The following ABCF2 variants were observed in gnomAD, a reference collection of about 807,000 sequenced individuals.
The protein encoded by ABCF2 is ATP-binding cassette sub-family F member 2.
A neutral mutation model predicts 76.9 loss-of-function variants in ABCF2; 37 were observed. That is an observed-to-expected ratio of 0.48 (90% CI 0.37 to 0.63). ABCF2 has a LOEUF of 0.63. Ranked by LOEUF, ABCF2 falls within the 30% of genes least tolerant of loss-of-function variation. The pLI is 0.00. For missense variants in ABCF2, 524 were observed against 782.1 expected, an observed-to-expected ratio of 0.67 and a Z score of 3.94; for synonymous variants, 299 against 283.7, an observed-to-expected ratio of 1.05 and a Z score of -0.54.
Position 151,215,664 on chromosome 7 carries a change from G to C in ABCF2, c.1470C>G (p.Ile490Met). The change falls in exon 13 of 15, where the codon ATC (isoleucine) becomes ATG (methionine). Residue 490 changes from isoleucine to methionine, a missense_variant. Physicochemically the swap from Ile to Met is conservative, Grantham distance 10 (BLOSUM62 1). Around this residue, in one of 2 missense-constraint regions of ABCF2, gnomAD observed 194 missense variants for 348.6 expected, o/e 0.56. Coordinates refer to ENST00000287844, the MANE Select transcript of ABCF2 (RefSeq NM_007189.3). This position sits in a 1 kb window ranked among gnomAD's most constrained non-coding sequence, Gnocchi z 4.6. ...LEYMMKCYPE[I>M]KEKEEMRKII... ...TCTTCCTCATTTCTTCCTTCTCCTT[G>C]ATCTCTGGGTAGCACTTCATCATGT... 2.5e-6 allele frequency: 4 copies of C among 1,614,012 alleles called. No individual in the cohort carries two copies. The highest frequency in any genetic ancestry group is 1.1e-5 in the South Asian group (1 of 91,088).
intron 6 of ABCF2, 45 bp from the exon 7 acceptor site, chr7:151,221,725 G>A (rs1380508119): frequency 4.3e-6 from 6 of 1,406,690 alleles, no homozygotes; most frequent in Non-Finnish European, 6.0e-6. Context: ...AACCATGGGA[G>A]CTAGCTGACA....
In ABCF2 at chr7:151,215,364, C is replaced by G. The variant is rs990234233; in HGVS notation, c.1530+240G>C. On this transcript the variant is annotated intron_variant, in intron 13 of 14. Coordinates refer to ENST00000287844, the MANE Select transcript of ABCF2 (RefSeq NM_007189.3). The surrounding 1 kb of genome is among the most constrained non-coding windows in gnomAD (Gnocchi z 4.6). ...TTTCTAGATTACAAGTTCCTTTGCC[C>G]TCAAGCACTATGGCACAAGGGCATG... 6.6e-6 allele frequency among the ~76,000 whole-genome samples: 1 copy of G among 152,216 alleles called. No individual in the cohort carries two copies. The highest frequency in any genetic ancestry group is 2.4e-5 in the African/African-American group (1 of 41,450).
At chr7:151,220,442 A>G (rs1802244648) in intron 7 of ABCF2, among the ~76,000 whole-genome samples, 2 of 152,016 alleles carry the variant, frequency 1.3e-5, no homozygotes, top group South Asian at 2.1e-4. Flanking sequence ...GATTACGTAT[A>G]CATGACATTT....
At chr7:151,219,305 CA>C (rs1584841958) in intron 7 of ABCF2, 146 bp from the exon 8 acceptor site, 6 of 710,544 alleles carry the variant, frequency 8.4e-6, no homozygotes, top group Non-Finnish European at 1.5e-5. Context: ...ACGTGCATTA[CA>C]GAAGCATATC....
chr7:151,219,382 A>G (rs1325902765), intron 7 of ABCF2, among the ~76,000 whole-genome samples: 1 of 152,202 alleles, frequency 6.6e-6, no homozygotes, highest in African/African-American at 2.4e-5. Context: ...GCCAGGCTCC[A>G]GCGCAAATCC....
intron 7 of ABCF2, among the ~76,000 whole-genome samples, chr7:151,219,531 G>C (rs966372996): frequency 1.3e-5 from 2 of 152,124 alleles, no homozygotes; most frequent in African/African-American, 4.8e-5. Flanking sequence ...CCCCACAAAA[G>C]ACTGCAAGAG....
Position 151,222,513 on chromosome 7 carries a change from C to G in ABCF2, c.818+8G>C, listed in dbSNP as rs773099889. The G allele has an allele frequency of 6.2e-7, 1 of 1,612,148 alleles. No individual in the cohort carries two copies. Among genetic ancestry groups the G allele is most frequent in the Non-Finnish European group, 8.5e-7 (1 of 1,178,482 alleles). ...TGCCCGCTCACATCCCCCATTCCACCCTCTTACGTTTTTAGTTCTTCTTCC... is the reference window on the plus strand; with the variant it reads ...TGCCCGCTCACATCCCCCATTCCACGCTCTTACGTTTTTAGTTCTTCTTCC... On this transcript the variant is annotated splice_region_variant and intron_variant, in intron 6 of 14. Transcript: ENST00000287844.
chr7:151,215,641 T>C lies in ABCF2; in HGVS notation c.1493A>G (p.Lys498Arg). ...PEIKEKEEMR[K>R]IIGRYGLTGK... ...AGTGAGACCGTATCGCCCAATGATC[T>C]TCCTCATTTCTTCCTTCTCCTTGAT... The change falls in exon 13 of 15, where the codon AAG (lysine) becomes AGG (arginine). Residue 498 changes from lysine (K) to arginine (R), a missense_variant. By Grantham distance (26) the Lys-to-Arg change is conservative (BLOSUM62 2). Around this residue, in one of 2 missense-constraint regions of ABCF2, gnomAD observed 194 missense variants for 348.6 expected, o/e 0.56. Transcript: ENST00000287844. This position sits in a 1 kb window ranked among gnomAD's most constrained non-coding sequence, Gnocchi z 4.6. 6.2e-7 allele frequency: 1 copy of C among 1,614,124 alleles called. No individual in the cohort carries two copies. The highest frequency in any genetic ancestry group is 8.5e-7 in the Non-Finnish European group (1 of 1,180,026).
At chr7:151,218,947 T>G (rs12113924) in intron 8 of ABCF2, 74 bp from the exon 9 acceptor site, 159,149 of 1,608,528 alleles carry the variant, frequency 0.099, 8,462 homozygotes, top group Admixed American at 0.16. Context: ...GGTAAAAATG[T>G]TGATCGTAAC....
At position 151,224,858 on chromosome 7, in the gene ABCF2, A is replaced by G; in HGVS notation, c.285T>C (p.Phe95=). The G allele has an allele frequency of 6.2e-7, 1 of 1,614,194 alleles. No homozygotes were observed. Among genetic ancestry groups the G allele is most frequent in the Non-Finnish European group, 8.5e-7 (1 of 1,180,030 alleles). Residue 95 remains phenylalanine, a synonymous_variant, in exon 3 of 15, where the codon TTT becomes TTC. Coordinates refer to ENST00000287844, the MANE Select transcript of ABCF2 (RefSeq NM_007189.3). ...DVHIINLSLT[F]HGQELLSDTK... ...TGTCACTGAGCAGCTCTTGACCATG[A>G]AAGGTAAGTGAGAGGTTGATGATGT...
intron 10 of ABCF2, 63 bp from the exon 11 acceptor site, chr7:151,218,254 G>T: frequency 8.5e-7 from 1 of 1,174,934 alleles, no homozygotes; most frequent in Non-Finnish European, 1.3e-6. Context: ...ATGACCAGCA[G>T]ACCAAGCCCG....
chr7:151,224,018 T>C lies in ABCF2; in HGVS notation c.464A>G (p.Asp155Gly). 6.2e-7 allele frequency: 1 copy of C among 1,614,118 alleles called. No individual in the cohort carries two copies. The highest frequency in any genetic ancestry group is 8.5e-7 in the Non-Finnish European group (1 of 1,179,988). ...CATCACACAATGCAAGGGTGTCTTG[T>C]CACTAGGGGGCATCTCTCGAGTCAG... The part of the protein sequence containing the change: ...YHLTREMPPS[D>G]KTPLHCVMEV... The change falls in exon 4 of 15, where the codon GAC (aspartate) becomes GGC (glycine). Residue 155 changes from aspartate to glycine, a missense_variant. Transcript: ENST00000287844.
rs773213734 is a variant in ABCF2 at position 151,215,959 on chromosome 7, G to C, written c.1401+8C>G. 6.2e-7 allele frequency: 1 copy of C among 1,613,926 alleles called. No homozygotes were observed. Among genetic ancestry groups the C allele is most frequent in the Non-Finnish European group, 8.5e-7 (1 of 1,179,906 alleles). The stretch of plus-strand genomic sequence containing the variant: ...GCAATTCCCCGGATCCCAACCCCAG[G>C]CCTGTACCTGATGGTAACGCCCTAT... On this transcript the variant is annotated splice_region_variant and intron_variant, in intron 12 of 14. Coordinates refer to ENST00000287844, the MANE Select transcript of ABCF2 (RefSeq NM_007189.3). This position sits in a 1 kb window ranked among gnomAD's most constrained non-coding sequence, Gnocchi z 4.6.
Position 151,215,840 on chromosome 7 carries a change from A to C in ABCF2, c.1402-108T>G. 1 of 1,593,808 alleles carries C rather than the reference A, an allele frequency of 6.3e-7. No homozygotes were observed. The highest frequency in any genetic ancestry group is 2.2e-5 in the East Asian group (1 of 44,650). ...CCCAGGCACCTGTTCTGGGTTCAAGAAGCAGGTAGGAGCCACCTAGGCTGG... is the reference window on the plus strand; with the variant it reads ...CCCAGGCACCTGTTCTGGGTTCAAGCAGCAGGTAGGAGCCACCTAGGCTGG... On this transcript the variant is annotated intron_variant, in intron 12 of 14. Coordinates refer to ENST00000287844, the MANE Select transcript of ABCF2 (RefSeq NM_007189.3). The surrounding 1 kb of genome is among the most constrained non-coding windows in gnomAD (Gnocchi z 4.6).
rs1481535192 is a variant in ABCF2 at position 151,214,530 on chromosome 7, G to A, written c.1735-339C>T. 6.6e-6 allele frequency among the ~76,000 whole-genome samples: 1 copy of A among 152,198 alleles called. No individual in the cohort carries two copies. Among genetic ancestry groups the A allele is most frequent in the Non-Finnish European group, 1.5e-5 (1 of 68,044 alleles). ...AGCAACAACTTTTTCTCAAATGACT[G>A]TGGTAGCTGTCTAATCAAAATCCTC... On this transcript the variant is annotated intron_variant, in intron 14 of 14. Coordinates refer to ENST00000287844, the MANE Select transcript of ABCF2 (RefSeq NM_007189.3). This position sits in a 1 kb window ranked among gnomAD's most constrained non-coding sequence, Gnocchi z 4.9.
chr7:151,225,601 A>G (rs934813824), intron 2 of ABCF2, among the ~76,000 whole-genome samples: 6 of 152,374 alleles, frequency 3.9e-5, no homozygotes, highest in African/African-American at 1.4e-4. Flanking sequence ...ATTATAATTC[A>G]GTGTGTGAAA....
intron 10 of ABCF2, 79 bp downstream of exon 10, chr7:151,218,477 TCAGCA>T: frequency 8.0e-7 from 1 of 1,244,824 alleles, no homozygotes; most frequent in Non-Finnish European, 1.2e-6. Context: ...GCAGGTGTGG[TCAGCA>T]CAGAACAGGA....
Position 151,212,164 on chromosome 7 carries a change from G to A in ABCF2, c.*1890C>T. On this transcript the variant is annotated 3_prime_UTR_variant, in exon 15 of 15. Coordinates refer to ENST00000287844, the MANE Select transcript of ABCF2 (RefSeq NM_007189.3). Reference sequence around the variant, plus strand: ...ACAGTTGCTCCCGCCAGTCCTGGCTGTATTATGAGTACTGAAAAATCATGG... The same window carrying A: ...ACAGTTGCTCCCGCCAGTCCTGGCTATATTATGAGTACTGAAAAATCATGG... 1.0e-6 allele frequency: 1 copy of A among 985,448 alleles called. No individual in the cohort carries two copies. The highest frequency in any genetic ancestry group is 1.2e-6 in the Non-Finnish European group (1 of 829,930). 61.0% of individuals were successfully genotyped at this position (985,448 alleles called of 1,614,324 possible). A position where few individuals can be genotyped will look rare whatever the true frequency, so the allele number is the denominator to read the frequency against.
In ABCF2 at chr7:151,213,751, C is replaced by G. The variant is rs557134991; in HGVS notation, c.*303G>C. The G allele has an allele frequency of 1.7e-6, 2 of 1,150,916 alleles. No individual in the cohort carries two copies. The highest frequency in any genetic ancestry group is 1.1e-4 in the East Asian group (2 of 17,410). The allele number at this position is 1,150,916 out of a possible 1,614,324, so 71.3% of individuals were successfully genotyped here. On this transcript the variant is annotated 3_prime_UTR_variant, in exon 15 of 15. Transcript: ENST00000287844. ...CCAGGGCTTGGGCCCCTGGGCTAACCCGCAGGTGCCTCTGACTGCATCACA... is the reference window on the plus strand; with the variant it reads ...CCAGGGCTTGGGCCCCTGGGCTAACGCGCAGGTGCCTCTGACTGCATCACA...
Sources: gnomAD v4.1 joint callset for allele counts (sites outside exome capture counted in the v4.1 genomes callset) on GRCh38, gnomAD v4.1.1 for gene constraint, gnomAD v4.1.1 regional missense constraint, Gnocchi (gnomAD v3.1) non-coding constraint, MANE v1.5 for transcripts, NCBI Gene and HGNC (gene_info 2026-07-23, HGNC 2026-07-21) for gene names.